The following VTCN1 variants were observed in gnomAD, a reference collection of about 807,000 sequenced individuals.
VTCN1 encodes V-set domain containing T cell activation inhibitor 1, also known as V-set domain-containing T-cell activation inhibitor 1.
A neutral mutation model predicts 26.5 loss-of-function variants in VTCN1; 26 were observed. The observed-to-expected ratio is 0.98, with a 90% CI of 0.72 to 1.36. VTCN1 has a LOEUF of 1.36. VTCN1 is among the 40% of genes most tolerant of loss of function. VTCN1 has a pLI of 0.00. For synonymous variants in VTCN1, 116 were observed against 130.7 expected, an observed-to-expected ratio of 0.89 and a Z score of 0.77; for missense variants, 298 against 337.7, an observed-to-expected ratio of 0.88 and a Z score of 0.92.
chr1:117,173,127 G>A (rs768119605), intron 1 of VTCN1: 5 of 712,602 alleles, frequency 7.0e-6, no homozygotes, highest in Non-Finnish European at 1.3e-5. Context: ...ACAGGGAGGA[G>A]CAAACAACTC....
In VTCN1 at chr1:117,185,224, C is replaced by T. The variant is rs191269577; in HGVS notation, c.33-15053G>A. On this transcript the variant is annotated intron_variant, in intron 1 of 5. Transcript: ENST00000369458. ...GGTCACTTCAAGTCTCAGGTTTCTT[C>T]CTGAGAAACCCAGGAAAGACCAAGT... 2.4e-4 allele frequency among the ~76,000 whole-genome samples: 37 copies of T among 152,270 alleles called. 1 individual carries two copies. In the East Asian group the frequency reaches 6.8e-3, roughly 28 times the overall value.
Position 117,156,588 on chromosome 1 carries a change from T to C in VTCN1, c.431A>G (p.Glu144Gly), listed in dbSNP as rs766296230. The change falls in exon 3 of 6, where the codon GAG becomes GGG. Residue 144 changes from glutamate (E) to glycine (G), a missense_variant. Glu to Gly is a moderately conservative substitution (Grantham distance 98). Transcript: ENST00000369458. ...TSKGKGNANL[E>G]YKTGAFSMPE... ...AAGTAACTCACCTCCAGTTTTATAC[T>C]CAAGGTTAGCATTCCCCTTGCCTTT... The C allele has an allele frequency of 1.3e-6, 2 of 1,589,598 alleles. No individual in the cohort carries two copies. The highest frequency in any genetic ancestry group is 1.3e-5 in the African/African-American group (1 of 74,398).
At chr1:117,160,458 C>G (rs1034356804) in intron 2 of VTCN1, among the ~76,000 whole-genome samples, 2 of 152,226 alleles carry the variant, frequency 1.3e-5, no homozygotes, top group African/African-American at 2.4e-5. Flanking sequence ...TCTTACAGTA[C>G]AATTTGAACA....
intron 1 of VTCN1, among the ~76,000 whole-genome samples, chr1:117,172,017 G>T (rs769876360): frequency 4.7e-4 from 71 of 152,182 alleles, no homozygotes; most frequent in Non-Finnish European, 8.4e-4. Flanking sequence ...TTCCTGGGAA[G>T]CTCGCCCGTT....
intron 2 of VTCN1, among the ~76,000 whole-genome samples, chr1:117,168,158 G>C (rs1348242725): frequency 1.3e-5 from 2 of 151,564 alleles, no homozygotes; most frequent in Non-Finnish European, 2.9e-5. Context: ...TCAGAAACTT[G>C]GTTGAGAGAA....
chr1:117,163,402 G>A (rs1382658689), intron 2 of VTCN1, among the ~76,000 whole-genome samples: 1 of 152,172 alleles, frequency 6.6e-6, no homozygotes, highest in Non-Finnish European at 1.5e-5. Flanking sequence ...TGCAGGTAAA[G>A]TGCTAAATAT....
chr1:117,158,214 A>T (rs12084619), intron 2 of VTCN1, among the ~76,000 whole-genome samples: 1 of 152,000 alleles, frequency 6.6e-6, no homozygotes, highest in African/African-American at 2.4e-5. Context: ...CACCAGGGGG[A>T]CTTTGTGTTG....
intron 3 of VTCN1, among the ~76,000 whole-genome samples, chr1:117,153,991 T>TC (rs1420795039): frequency 6.6e-6 from 1 of 152,090 alleles, no homozygotes; most frequent in African/African-American, 2.4e-5. Flanking sequence ...AGACTTAGCT[T>TC]CCCCCCATAT....
At chr1:117,189,899 A>T (rs975096993) in intron 1 of VTCN1, among the ~76,000 whole-genome samples, 1 of 53,846 alleles carries the variant, frequency 1.9e-5, no homozygotes, top group African/African-American at 9.2e-5. Flanking sequence ...AACCCCAGTG[A>T]AGCCCAAGAC....
At chr1:117,184,838 A>AAGGATAGAGTTAGG (rs1647859942) in intron 1 of VTCN1, among the ~76,000 whole-genome samples, 3 of 152,172 alleles carry the variant, frequency 2.0e-5, no homozygotes, top group Admixed American at 2.0e-4. Flanking sequence ...CAAAGGGGTG[A>AAGGATAGAGTTAGG]AGGATAGAGT....
At chr1:117,205,161 G>T (rs183238462) in intron 1 of VTCN1, among the ~76,000 whole-genome samples, 24,411 of 120,358 alleles carry the variant, frequency 0.2, 2,279 homozygotes, top group African/African-American at 0.29. Context: ...TATATATAGA[G>T]AGAGAGAGAG....
chr1:117,178,588 G>GTT (rs10657719), intron 1 of VTCN1, among the ~76,000 whole-genome samples: 6,301 of 88,192 alleles, frequency 0.071, 1,434 homozygotes, highest in African/African-American at 0.28. Flanking sequence ...TCTTTCTTTC[G>GTT]TTTTTTTTTT....
chr1:117,210,753 G>T, intron 1 of VTCN1, 71 bp downstream of exon 1: 1 of 1,546,568 alleles, frequency 6.5e-7, no homozygotes, highest in Non-Finnish European at 8.9e-7. Context: ...GCCCAGCAGT[G>T]CTCAGCATCC....
At chr1:117,208,009 C>A (rs1002684552) in intron 1 of VTCN1, among the ~76,000 whole-genome samples, 7 of 152,312 alleles carry the variant, frequency 4.6e-5, no homozygotes, top group African/African-American at 7.2e-5. Flanking sequence ...CTTGACCCCC[C>A]TCTGAAGGCT....
chr1:117,164,412 G>A (rs1652507561), intron 2 of VTCN1, among the ~76,000 whole-genome samples: 1 of 152,182 alleles, frequency 6.6e-6, no homozygotes, highest in Admixed American at 6.5e-5. Flanking sequence ...GGTTTTGTTT[G>A]TAACAATTAT....
At chr1:117,170,593 T>C (rs973640083) in intron 1 of VTCN1, among the ~76,000 whole-genome samples, 3 of 152,190 alleles carry the variant, frequency 2.0e-5, no homozygotes, top group Non-Finnish European at 4.4e-5. Context: ...TCTCCTTCCA[T>C]AGACTTTAAA....
chr1:117,162,951 C>T (rs1044085022), intron 2 of VTCN1, among the ~76,000 whole-genome samples: 7 of 152,180 alleles, frequency 4.6e-5, no homozygotes, highest in Non-Finnish European at 8.8e-5. Context: ...AAGACAGGTT[C>T]GTACATTCCA....
rs569874315 is a variant in VTCN1, at chr1:117,147,828, A to G, written c.725-46T>C. ...TTTAGGGTCATACAGGAGAAGCTGG[A>G]TGTCTTCTTCACATGACTGGTTAGC... is the stretch of plus-strand genomic sequence containing the variant. On this transcript the variant is annotated intron_variant, in intron 4 of 5. Transcript: ENST00000369458. The surrounding 1 kb of genome is among the most constrained non-coding windows in gnomAD (Gnocchi z 4.6). 1.2e-5 allele frequency: 19 copies of G among 1,593,402 alleles called. No homozygotes were observed. In the Admixed American group the frequency reaches 3.4e-4, roughly 29 times the overall value.
intron 1 of VTCN1, among the ~76,000 whole-genome samples, chr1:117,188,276 G>A (rs1452077818): frequency 2.6e-5 from 4 of 152,124 alleles, no homozygotes; most frequent in Non-Finnish European, 4.4e-5. Flanking sequence ...AACACAGAGA[G>A]CTGCGAGAGT....
Sources: gnomAD v4.1 joint callset for allele counts (sites outside exome capture counted in the v4.1 genomes callset) on GRCh38, gnomAD v4.1.1 for gene constraint, Gnocchi (gnomAD v3.1) non-coding constraint, MANE v1.5 for transcripts, NCBI Gene and HGNC (gene_info 2026-07-23, HGNC 2026-07-21) for gene names.